The following LRMDA variants were observed in gnomAD, a reference collection of about 807,000 sequenced individuals.
LRMDA encodes leucine-rich melanocyte differentiation-associated protein.
In LRMDA, 18 loss-of-function variants were observed where a neutral mutation model predicts 29.8. That is an observed-to-expected ratio of 0.60 (90% CI 0.42 to 0.90). The LOEUF is 0.90. LRMDA is among the 40% of genes least tolerant of loss of function. The pLI, the probability that LRMDA is intolerant of heterozygous loss-of-function variation, is 0.00. For synonymous variants in LRMDA, 125 were observed against 109.4 expected, an observed-to-expected ratio of 1.14 and a Z score of -0.89; for missense variants, 273 against 273.9, an observed-to-expected ratio of 1.00 and a Z score of 0.02.
At chr10:76,066,530 C>T (rs1848788889) in intron 5 of LRMDA, among the ~76,000 whole-genome samples, 1 of 152,162 alleles carries the variant, frequency 6.6e-6, no homozygotes, top group Non-Finnish European at 1.5e-5. Context: ...CCTTGAATTA[C>T]TTCAGGGAAA....
chr10:75,736,464 C>T (rs747830792), intron 2 of LRMDA, among the ~76,000 whole-genome samples: 10 of 152,116 alleles, frequency 6.6e-5, no homozygotes, highest in Non-Finnish European at 1.2e-4. Context: ...CATTGTCATG[C>T]GGTGCTATTA....
chr10:75,608,280 G>A (rs1245121626), intron 2 of LRMDA, among the ~76,000 whole-genome samples: 2 of 151,894 alleles, frequency 1.3e-5, no homozygotes, highest in Admixed American at 1.3e-4. Flanking sequence ...ATCTAAAATA[G>A]TCAACCACAT....
chr10:75,606,941 C>T (rs1589201664), intron 2 of LRMDA, among the ~76,000 whole-genome samples: 4 of 152,132 alleles, frequency 2.6e-5, no homozygotes, highest in Admixed American at 2.6e-4. Context: ...CCAGTTTTAA[C>T]AATTTGATTT....
intron 6 of LRMDA, among the ~76,000 whole-genome samples, chr10:76,412,241 A>G (rs1841969561): frequency 6.6e-6 from 1 of 152,170 alleles, no homozygotes; most frequent in South Asian, 2.1e-4. Context: ...GGCTCCCCAC[A>G]TTGTGTAATT....
chr10:75,940,753 C>T (rs1846376202), intron 2 of LRMDA, among the ~76,000 whole-genome samples: 1 of 151,726 alleles, frequency 6.6e-6, no homozygotes, highest in African/African-American at 2.4e-5. Flanking sequence ...CAGAGAAAAG[C>T]TAGGGAAATT....
chr10:76,307,119 C>G (rs983753145), intron 5 of LRMDA, among the ~76,000 whole-genome samples: 1 of 152,122 alleles, frequency 6.6e-6, no homozygotes, highest in African/African-American at 2.4e-5. Context: ...AGCAGCTACC[C>G]TTGCCCACCC....
At chr10:75,919,046 A>G (rs1845982908) in intron 2 of LRMDA, among the ~76,000 whole-genome samples, 1 of 152,110 alleles carries the variant, frequency 6.6e-6, no homozygotes, top group South Asian at 2.1e-4. Flanking sequence ...AAATCATTGG[A>G]TCCTCACAAG....
chr10:76,252,885 C>T (rs963689524), intron 5 of LRMDA, among the ~76,000 whole-genome samples: 2 of 152,214 alleles, frequency 1.3e-5, no homozygotes, highest in Admixed American at 1.3e-4. Context: ...TTGAGCAATA[C>T]TCACACAGGT....
intron 6 of LRMDA, among the ~76,000 whole-genome samples, chr10:76,386,694 A>G (rs1841663949): frequency 6.6e-6 from 1 of 152,190 alleles, no homozygotes; most frequent in Non-Finnish European, 1.5e-5. Context: ...TAATATTGCA[A>G]TTCTATAAAA....
chr10:75,520,131 CT>C (rs1443870314), intron 2 of LRMDA, among the ~76,000 whole-genome samples: 3 of 152,242 alleles, frequency 2.0e-5, no homozygotes, highest in African/African-American at 7.2e-5. Context: ...TCATTTCAAC[CT>C]TGGTGAATCT....
intron 2 of LRMDA, among the ~76,000 whole-genome samples, chr10:75,567,990 T>G (rs557631827): frequency 1.6e-4 from 24 of 152,332 alleles, no homozygotes; most frequent in African/African-American, 5.5e-4. Context: ...CACAAGCACA[T>G]TATCTTGAAA....
At chr10:75,849,116 C>T (rs1844688949) in intron 2 of LRMDA, among the ~76,000 whole-genome samples, 1 of 152,150 alleles carries the variant, frequency 6.6e-6, no homozygotes, top group Non-Finnish European at 1.5e-5. Flanking sequence ...CCTACCAGGG[C>T]TTAGTTTTAG....
At chr10:76,135,701 T>C (rs999334344) in intron 5 of LRMDA, among the ~76,000 whole-genome samples, 1 of 152,056 alleles carries the variant, frequency 6.6e-6, no homozygotes, top group East Asian at 1.9e-4. Flanking sequence ...GACTTGTAGA[T>C]GGCATTTTTA....
intron 2 of LRMDA, among the ~76,000 whole-genome samples, chr10:75,915,027 T>C (rs762884854): frequency 6.6e-6 from 1 of 152,040 alleles, no homozygotes; most frequent in Non-Finnish European, 1.5e-5. Flanking sequence ...TAAGTTACTA[T>C]GTCATGACTG....
intron 5 of LRMDA, among the ~76,000 whole-genome samples, chr10:76,108,364 G>A (rs1849522015): frequency 6.6e-6 from 1 of 152,138 alleles, no homozygotes; most frequent in Admixed American, 6.5e-5. Context: ...GACTTCATAT[G>A]TACATTACGC....
At chr10:75,444,941 T>A (rs868662765) in intron 2 of LRMDA, among the ~76,000 whole-genome samples, 12 of 152,224 alleles carry the variant, frequency 7.9e-5, no homozygotes, top group African/African-American at 2.7e-4. Flanking sequence ...AATGTTTTTT[T>A]AAGACAGGGT....
intron 5 of LRMDA, among the ~76,000 whole-genome samples, chr10:76,136,336 T>C (rs1328714623): frequency 1.3e-5 from 2 of 152,216 alleles, no homozygotes. Flanking sequence ...TAATTCTGTT[T>C]TTGCAGAAGT....
At chr10:75,472,552 T>C (rs752180929) in intron 2 of LRMDA, among the ~76,000 whole-genome samples, 11 of 152,238 alleles carry the variant, frequency 7.2e-5, no homozygotes, top group Non-Finnish European at 1.5e-4. Context: ...ATGATCAGTG[T>C]GCAGGGCAAA....
At chr10:75,940,922 T>C (rs1440887877) in intron 2 of LRMDA, among the ~76,000 whole-genome samples, 2 of 152,126 alleles carry the variant, frequency 1.3e-5, no homozygotes, top group Non-Finnish European at 2.9e-5. Context: ...TATATCTGAA[T>C]GGACTAGTGA....
Sources: gnomAD v4.1 joint callset for allele counts (sites outside exome capture counted in the v4.1 genomes callset) on GRCh38, gnomAD v4.1.1 for gene constraint, MANE v1.5 for transcripts, NCBI Gene and HGNC (gene_info 2026-07-23, HGNC 2026-07-21) for gene names.